The following GRIN2D variants were observed in gnomAD, a reference collection of about 807,000 sequenced individuals.
GRIN2D encodes the protein glutamate receptor ionotropic, NMDA 2D.
A neutral mutation model predicts 103.2 loss-of-function variants in GRIN2D; 37 were observed. The ratio of observed to expected loss-of-function variants is 0.36; its 90% CI spans 0.28 to 0.47. GRIN2D has a LOEUF of 0.47. Among genes scored for constraint, GRIN2D ranks in the 20% least tolerant of loss-of-function variants. The pLI is 1.00. For missense variants in GRIN2D, 1,557 were observed against 1,910.6 expected (o/e 0.81, Z 3.45); for synonymous variants, 845 against 885.6 (o/e 0.95, Z 0.81).
chr19:48,404,565 T>A (rs1970758917), intron 3 of GRIN2D, among the ~76,000 whole-genome samples, 169 bp from the exon 4 acceptor site: 1 of 152,184 alleles, frequency 6.6e-6, no homozygotes, highest in South Asian at 2.1e-4. Flanking sequence ...ACTCATCACG[T>A]GGCTAAACCT....
At chr19:48,433,807 G>A (rs551313693) in intron 11 of GRIN2D, among the ~76,000 whole-genome samples, 1 of 152,174 alleles carries the variant, frequency 6.6e-6, no homozygotes, top group African/African-American at 2.4e-5. Context: ...AGTACACACT[G>A]TTCTCATCTT....
chr19:48,415,899 C>T, intron 7 of GRIN2D, 103 bp from the exon 8 acceptor site: 1 of 1,024,368 alleles, frequency 9.8e-7, no homozygotes, highest in Non-Finnish European at 1.5e-6. Flanking sequence ...TTCCCTCACC[C>T]TGTCACTGGT....
chr19:48,410,801 AG>A (rs1231831954), intron 4 of GRIN2D, among the ~76,000 whole-genome samples: 2 of 152,082 alleles, frequency 1.3e-5, no homozygotes, highest in Admixed American at 6.6e-5. Context: ...AGAAGAAGAC[AG>A]GGCAGAGAGA....
At chr19:48,431,437 A>G (rs1971153760) in intron 11 of GRIN2D, among the ~76,000 whole-genome samples, 1 of 152,178 alleles carries the variant, frequency 6.6e-6, no homozygotes, top group African/African-American at 2.4e-5. Flanking sequence ...AATTTGGAAG[A>G]GTCACTCTAT....
At chr19:48,438,304 T>C (rs1407258620) in intron 11 of GRIN2D, among the ~76,000 whole-genome samples, 2 of 132,308 alleles carry the variant, frequency 1.5e-5, no homozygotes, top group East Asian at 4.3e-4. Flanking sequence ...TTTTTTTTTT[T>C]TTTTTTTTTT....
At chr19:48,395,898 G>C (rs904616164) in intron 2 of GRIN2D, among the ~76,000 whole-genome samples, 4 of 152,176 alleles carry the variant, frequency 2.6e-5, no homozygotes, top group African/African-American at 7.2e-5. Context: ...CTGGGCACTG[G>C]AGTTCCAGAG....
chr19:48,442,253 C>A lies in GRIN2D; in HGVS notation c.2544C>A (p.Val848=). Residue 848 remains valine, a synonymous_variant, in exon 13 of 14, where the codon GTC becomes GTA. Transcript: ENST00000263269. The surrounding 1 kb of genome is among the most constrained non-coding windows in gnomAD (Gnocchi z 7.2). ...SKLDIDNMAG[V]FYMLLVAMGL... is the part of the protein sequence containing the mutation. ...TGGACATCGACAACATGGCGGGCGT[C>A]TTCTACATGCTCCTGGTGGCCATGG... The A allele has an allele frequency of 1.2e-6, 2 of 1,614,160 alleles. No individual in the cohort carries two copies. Among genetic ancestry groups the A allele is most frequent in the Non-Finnish European group, 1.7e-6 (2 of 1,180,016 alleles).
rs189081910 is a variant in GRIN2D at position 48,409,381 on chromosome 19, C to T, written c.1085+4028C>T. On this transcript the variant is annotated intron_variant, in intron 4 of 13. Transcript: ENST00000263269. ...GCAACCTCCACCTCCTGGATTCAAGCGATTCTCCTGCCTCAGCCTCCGAGT... is the reference window on the plus strand; with the variant it reads ...GCAACCTCCACCTCCTGGATTCAAGTGATTCTCCTGCCTCAGCCTCCGAGT... 4.7e-3 allele frequency among the ~76,000 whole-genome samples: 689 copies of T among 147,808 alleles called. 6 individuals are homozygous for T. Among genetic ancestry groups the T allele is most frequent in the African/African-American group, 0.016 (633 of 39,724 alleles).
intron 11 of GRIN2D, among the ~76,000 whole-genome samples, chr19:48,432,800 CT>C (rs796104406): frequency 6.9e-6 from 1 of 143,948 alleles, no homozygotes. Flanking sequence ...TTTCATTTTG[CT>C]TTTTTTTGAG....
At chr19:48,398,066 ATCTC>A (rs939757536) in intron 2 of GRIN2D, among the ~76,000 whole-genome samples, 1 of 106,936 alleles carries the variant, frequency 9.4e-6, no homozygotes, top group Non-Finnish European at 2.0e-5. Context: ...TCTCTCCTCC[ATCTC>A]TCTCTCTCCG....
At position 48,420,280 on chromosome 19, in the gene GRIN2D, T is replaced by C. The variant is rs578105195; in HGVS notation, c.2091+466T>C. On this transcript the variant is annotated intron_variant, in intron 10 of 13. Transcript: ENST00000263269. ...CGTCTCTTCTAAAAGTACATAAAAT[T>C]AGCCGGGCGTGGTGACAGGCACCTG... 1.3e-4 allele frequency among the ~76,000 whole-genome samples: 20 copies of C among 151,460 alleles called. 1 individual carries two copies. The South Asian group carries it at 2.9e-3, about 22-fold the overall frequency.
At chr19:48,404,713 A>G in intron 3 of GRIN2D, 21 bp from the exon 4 acceptor site, 1 of 1,568,726 alleles carries the variant, frequency 6.4e-7, no homozygotes, top group Non-Finnish European at 8.6e-7. Flanking sequence ...CAGGCCTGAC[A>G]TCCTCCTCCC....
At chr19:48,423,028 T>C (rs939746397) in intron 11 of GRIN2D, among the ~76,000 whole-genome samples, 7 of 152,026 alleles carry the variant, frequency 4.6e-5, no homozygotes, top group Non-Finnish European at 8.8e-5. Context: ...CTGGCCAACA[T>C]GATGAAACCT....
chr19:48,421,819 A>C lies in GRIN2D; in HGVS notation c.2126A>C (p.Lys709Thr). 1 of 1,614,050 alleles carries C rather than the reference A, an allele frequency of 6.2e-7. No homozygotes were observed. Among genetic ancestry groups the C allele is most frequent in the Non-Finnish European group, 8.5e-7 (1 of 1,179,980 alleles). The change falls in exon 11 of 14, where the codon AAG becomes ACG. Residue 709 changes from lysine (K) to threonine (T), a missense_variant. Coordinates refer to ENST00000263269, the MANE Select transcript of GRIN2D (RefSeq NM_000836.4). This position sits in a 1 kb window ranked among gnomAD's most constrained non-coding sequence, Gnocchi z 4.8. ...QRPQEQYPPL[K>T]FGTVPNGSTE... ...CCCCAGGAGCAGTACCCGCCCCTGA[A>C]GTTTGGGACCGTGCCCAACGGCTCC...
In GRIN2D at chr19:48,425,327, C is replaced by T. The variant is rs1215774142; in HGVS notation, c.2252+3382C>T. Among the ~76,000 whole-genome samples, 4 of 152,092 alleles carry T rather than the reference C, an allele frequency of 2.6e-5. 1 individual carries two copies. The highest frequency in any genetic ancestry group is 2.6e-4 in the Admixed American group (4 of 15,252). The stretch of plus-strand genomic sequence containing the variant: ...TGCAATCTCGGCTCACTGCAACCTC[C>T]GCTTCCCGGGTTCAAGCGATTCTCC... On this transcript the variant is annotated intron_variant, in intron 11 of 13. Coordinates refer to ENST00000263269, the MANE Select transcript of GRIN2D (RefSeq NM_000836.4).
rs1970913876 is a variant in GRIN2D at position 48,414,230 on chromosome 19, T to TG, written c.1200+128dup. The TG allele has an allele frequency of 1.1e-6, 1 of 894,750 alleles. No individual in the cohort carries two copies. The highest frequency in any genetic ancestry group is 2.6e-5 in the East Asian group (1 of 37,882). 55.4% of individuals were successfully genotyped at this position (894,750 alleles called of 1,614,324 possible). ...ACAAGGAGCCTGGACTCCTGGGTCC[T>TG]GGGATCTGAAGGTGGGAGGGGCTCC... On this transcript the variant is annotated intron_variant, in intron 5 of 13. Coordinates refer to ENST00000263269, the MANE Select transcript of GRIN2D (RefSeq NM_000836.4). The surrounding 1 kb of genome is among the most constrained non-coding windows in gnomAD (Gnocchi z 4.6).
chr19:48,408,507 T>A (rs1265899338), intron 4 of GRIN2D, among the ~76,000 whole-genome samples: 1 of 151,444 alleles, frequency 6.6e-6, no homozygotes, highest in Non-Finnish European at 1.5e-5. Flanking sequence ...TCTAAAATAA[T>A]TTAAAAAATT....
At chr19:48,439,415 T>A (rs900250994) in intron 11 of GRIN2D, among the ~76,000 whole-genome samples, 35 of 152,142 alleles carry the variant, frequency 2.3e-4, no homozygotes, top group African/African-American at 8.2e-4. Context: ...CCGTCCTACA[T>A]GCCAGGAACT....
Position 48,443,722 on chromosome 19 carries a change from G to T in GRIN2D, c.3796G>T (p.Ala1266Ser). 5 of 1,327,206 alleles carry T rather than the reference G, an allele frequency of 3.8e-6. No homozygotes were observed. Among genetic ancestry groups the T allele is most frequent in the Non-Finnish European group, 4.8e-6 (5 of 1,040,816 alleles). The allele number at this position is 1,327,206 out of a possible 1,614,324, so 82.2% of individuals were successfully genotyped here. A position where few individuals can be genotyped will look rare whatever the true frequency, so the allele number is the denominator to read the frequency against. The change falls in exon 14 of 14, where the codon GCG (alanine) becomes TCG (serine). Residue 1266 changes from alanine to serine, a missense_variant. This residue lies in a region of GRIN2D where 632 missense variants were observed against 572.8 expected (regional missense o/e 1.10). Transcript: ENST00000263269. The surrounding 1 kb of genome is among the most constrained non-coding windows in gnomAD (Gnocchi z 8.9). The part of the protein sequence containing the change: ...AAGGWDLPPP[A>S]PTSRSLEDLS... ...TGGGGGCTGGGACCTCCCGCCGCCC[G>T]CGCCCACCTCGCGCTCGCTCGAGGA...
Sources: allele counts gnomAD v4.1 joint callset (sites outside exome capture counted in the v4.1 genomes callset), GRCh38; gene constraint gnomAD v4.1.1; regional missense constraint gnomAD v4.1.1; non-coding constraint Gnocchi (gnomAD v3.1); transcripts MANE v1.5; gene names NCBI Gene and HGNC (gene_info 2026-07-23, HGNC 2026-07-21).